The following MYPN variants were observed in gnomAD, a reference collection of about 807,000 sequenced individuals.
MYPN encodes sarcomeric protein myopalladin, 145 kDa (MYOP).
In MYPN, 63 loss-of-function variants were observed where a neutral mutation model predicts 129.4. That is an observed-to-expected ratio of 0.49 (90% CI 0.40 to 0.60). The LOEUF (loss-of-function observed/expected upper bound fraction) is 0.60, where lower values mean the gene tolerates loss of function less well. Among genes scored for constraint, MYPN ranks in the 20% least tolerant of loss-of-function variants. The pLI, the probability that MYPN is intolerant of heterozygous loss-of-function variation, is 0.00. For missense variants in MYPN, 1,596 were observed against 1,635.4 expected, an observed-to-expected ratio of 0.98 and a Z score of 0.42; for synonymous variants, 629 against 600.9, an observed-to-expected ratio of 1.05 and a Z score of -0.68.
At chr10:68,123,040 A>G (rs1234724818) in intron 2 of MYPN, among the ~76,000 whole-genome samples, 1 of 152,032 alleles carries the variant, frequency 6.6e-6, no homozygotes, top group Admixed American at 6.6e-5. Flanking sequence ...CTACACTGAC[A>G]GCATATTTCA....
rs904781671 is a variant in MYPN, at chr10:68,109,680, G to A, written c.-45G>A. 4.4e-6 allele frequency: 2 copies of A among 453,956 alleles called. No homozygotes were observed. The highest frequency in any genetic ancestry group is 8.8e-6 in the Non-Finnish European group (2 of 226,790). The allele number at this position is 453,956 out of a possible 1,614,324, so 28.1% of individuals were successfully genotyped here. ...TGGATAATTATCATTGCAGTGGAGTGCCTGGATTGGACATCCTCATCTGGG... is the reference window on the plus strand; with the variant it reads ...TGGATAATTATCATTGCAGTGGAGTACCTGGATTGGACATCCTCATCTGGG... On this transcript the variant is annotated 5_prime_UTR_variant, in exon 1 of 20. Coordinates refer to ENST00000358913, the MANE Select transcript of MYPN (RefSeq NM_032578.4).
chr10:68,136,721 C>T, intron 2 of MYPN: 3 of 1,535,350 alleles, frequency 2.0e-6, no homozygotes, highest in Non-Finnish European at 2.6e-6. Context: ...GATGTTTCCA[C>T]TCTCATTTTG....
chr10:68,168,696 G>C (rs531997088), intron 10 of MYPN, among the ~76,000 whole-genome samples: 1 of 152,138 alleles, frequency 6.6e-6, no homozygotes, highest in Non-Finnish European at 1.5e-5. Context: ...GCAATTGAAA[G>C]AGTTAAGTTT....
At position 68,197,498 on chromosome 10, in the gene MYPN, C is replaced by A; in HGVS notation, c.3285+20C>A. 6.2e-7 allele frequency: 1 copy of A among 1,612,562 alleles called. No homozygotes were observed. Among genetic ancestry groups the A allele is most frequent in the African/African-American group, 1.3e-5 (1 of 74,908 alleles). ...TGTAAGGTAGACTCCAGCACCCATGCTTAGTTCCAGATCTGTTCATATTTT... is the reference window on the plus strand; with the variant it reads ...TGTAAGGTAGACTCCAGCACCCATGATTAGTTCCAGATCTGTTCATATTTT... On this transcript the variant is annotated intron_variant, in intron 16 of 19. Coordinates refer to ENST00000358913, the MANE Select transcript of MYPN (RefSeq NM_032578.4).
chr10:68,210,561 C>G lies in MYPN; in HGVS notation c.*106C>G. The G allele has an allele frequency of 7.6e-7, 1 of 1,309,670 alleles. No homozygotes were observed. Among genetic ancestry groups the G allele is most frequent in the Non-Finnish European group, 1.1e-6 (1 of 915,906 alleles). 81.1% of individuals were successfully genotyped at this position (1,309,670 alleles called of 1,614,324 possible). On this transcript the variant is annotated 3_prime_UTR_variant, in exon 20 of 20. Coordinates refer to ENST00000358913, the MANE Select transcript of MYPN (RefSeq NM_032578.4). ...AACCGAAGTTGAGTAAGTTCCCACA[C>G]TGCTGGACCTGTGGCAAAGAGTGCT...
intron 12 of MYPN, among the ~76,000 whole-genome samples, chr10:68,188,472 G>C (rs1335202156): frequency 6.6e-6 from 1 of 151,430 alleles, no homozygotes; most frequent in Non-Finnish European, 1.5e-5. Flanking sequence ...TTCAAGACAG[G>C]TTTTCCTCAA....
intron 3 of MYPN, among the ~76,000 whole-genome samples, chr10:68,143,860 T>C (rs763244626): frequency 6.6e-6 from 1 of 152,184 alleles, no homozygotes; most frequent in Non-Finnish European, 1.5e-5. Flanking sequence ...GTTCAAGTGA[T>C]TCTCGTGCCC....
chr10:68,165,498 A>G lies in MYPN; in HGVS notation c.1484-204A>G, dbSNP rs186887782. The G allele has an allele frequency of 1.4e-5, 9 of 664,306 alleles. No individual in the cohort carries two copies. The Admixed American group carries it at 1.8e-4, about 14-fold the overall frequency. 41.2% of individuals were successfully genotyped at this position (664,306 alleles called of 1,614,324 possible). A position where few individuals can be genotyped will look rare whatever the true frequency, so the allele number is the denominator to read the frequency against. Reference sequence around the variant, plus strand: ...GTCAGTACTTGGCCTGTCTGCATGGAGTTATTGTTTCTACATTCTTTGACT... The same window carrying G: ...GTCAGTACTTGGCCTGTCTGCATGGGGTTATTGTTTCTACATTCTTTGACT... On this transcript the variant is annotated intron_variant, in intron 8 of 19. Transcript: ENST00000358913.
intron 2 of MYPN, among the ~76,000 whole-genome samples, chr10:68,123,229 T>G (rs571551807): frequency 1.1e-4 from 17 of 150,244 alleles, no homozygotes; most frequent in African/African-American, 4.2e-4. Flanking sequence ...ACAAAAAAAT[T>G]TAGCCGGGCG....
At chr10:68,156,885 G>A (rs1329822105) in intron 6 of MYPN, among the ~76,000 whole-genome samples, 2 of 152,218 alleles carry the variant, frequency 1.3e-5, no homozygotes, top group Non-Finnish European at 2.9e-5. Flanking sequence ...CAGAGTTTGT[G>A]GAGGAAGTTT....
At chr10:68,174,709 C>T (rs909910048) in intron 11 of MYPN, 53 bp downstream of exon 11, 71 of 1,531,980 alleles carry the variant, frequency 4.6e-5, no homozygotes, top group Non-Finnish European at 6.0e-5. Flanking sequence ...AGTCGATGTG[C>T]ACATTGAATA....
chr10:68,095,423 A>C (rs1406577684), intron 1 of MYPN, among the ~76,000 whole-genome samples: 2 of 152,174 alleles, frequency 1.3e-5, no homozygotes, highest in Middle Eastern at 3.4e-3. Flanking sequence ...TAATTTGCAG[A>C]AGCATCCTGT....
At chr10:68,209,663 A>T (rs1366055980) in intron 19 of MYPN, among the ~76,000 whole-genome samples, 4 of 111,604 alleles carry the variant, frequency 3.6e-5, no homozygotes, top group African/African-American at 1.4e-4. Flanking sequence ...ATCTTATAGA[A>T]TTCTTTTCTT....
chr10:68,115,637 A>G (rs1042202637), intron 1 of MYPN, among the ~76,000 whole-genome samples: 2 of 152,214 alleles, frequency 1.3e-5, no homozygotes, highest in African/African-American at 4.8e-5. Context: ...GATTCTTTGC[A>G]TAGCAGCCAT....
chr10:68,182,667 T>G lies in MYPN; in HGVS notation c.2704-6238T>G, dbSNP rs181867446. On this transcript the variant is annotated intron_variant, in intron 12 of 19. Coordinates refer to ENST00000358913, the MANE Select transcript of MYPN (RefSeq NM_032578.4). ...GACTACAGGCACTCGCCACCATGCCTGGCTACTTTTTTGTATTTTTAGTAG... is the reference window on the plus strand; with the variant it reads ...GACTACAGGCACTCGCCACCATGCCGGGCTACTTTTTTGTATTTTTAGTAG... Among the ~76,000 whole-genome samples, 545 of 151,820 alleles carry G rather than the reference T, an allele frequency of 3.6e-3. 5 individuals carry two copies. Among genetic ancestry groups the G allele is most frequent in the African/African-American group, 0.012 (510 of 41,424 alleles).
At chr10:68,155,648 T>C (rs1589565494) in intron 6 of MYPN, among the ~76,000 whole-genome samples, 1 of 152,242 alleles carries the variant, frequency 6.6e-6, no homozygotes, top group East Asian at 1.9e-4. Flanking sequence ...TGATGACAGC[T>C]ACACTATGTT....
intron 1 of MYPN, among the ~76,000 whole-genome samples, chr10:68,099,230 TTG>T (rs2041971176): frequency 1.3e-5 from 2 of 152,150 alleles, no homozygotes; most frequent in African/African-American, 4.8e-5. Flanking sequence ...TAATGTCAAC[TTG>T]AAAATCTGAG....
intron 2 of MYPN, among the ~76,000 whole-genome samples, chr10:68,141,154 A>G (rs2042571214): frequency 6.6e-6 from 1 of 152,198 alleles, no homozygotes; most frequent in South Asian, 2.1e-4. Flanking sequence ...GTGGATCACG[A>G]GGTCAAGAGA....
chr10:68,171,154 A>AAAAAG (rs943456222), intron 10 of MYPN, among the ~76,000 whole-genome samples: 2 of 151,502 alleles, frequency 1.3e-5, no homozygotes, highest in Non-Finnish European at 2.9e-5. Flanking sequence ...GTCAAAAAAA[A>AAAAAG]AAAAGAAAGA....
Sources: gnomAD v4.1 joint callset for allele counts (sites outside exome capture counted in the v4.1 genomes callset) on GRCh38, gnomAD v4.1.1 for gene constraint, MANE v1.5 for transcripts, NCBI Gene and HGNC (gene_info 2026-07-23, HGNC 2026-07-21) for gene names.